NXN: variants seen among roughly 807,000 people sequenced by gnomAD.
NXN encodes nucleoredoxin 1.
NXN carries 16 observed loss-of-function variants against 48.6 expected under a neutral mutation model. The ratio of observed to expected loss-of-function variants is 0.33; its 90% confidence interval spans 0.22 to 0.50. The LOEUF is 0.50. Ranked by LOEUF, NXN falls within the 20% of genes least tolerant of loss-of-function variation. The pLI, the probability that NXN is intolerant of heterozygous loss-of-function variation, is 0.98. For missense variants in NXN, 492 were observed against 605.5 expected (o/e 0.81, Z 1.97); for synonymous variants, 281 against 269.6 (o/e 1.04, Z -0.41).
intron 1 of NXN, among the ~76,000 whole-genome samples, chr17:921,748 G>A (rs1430755707): frequency 2.1e-5 from 3 of 145,752 alleles, no homozygotes; most frequent in Non-Finnish European, 3.0e-5. Flanking sequence ...ACACCTGGCC[G>A]GCCCAGGCTC....
At chr17:802,956 G>A (rs1362499479) in intron 7 of NXN, among the ~76,000 whole-genome samples, 1 of 150,532 alleles carries the variant, frequency 6.6e-6, no homozygotes, top group African/African-American at 2.4e-5. Context: ...GGGTGGGGTG[G>A]GGAGGTGGCA....
chr17:979,287 G>C, intron 1 of NXN, 32 bp downstream of exon 1: 1 of 1,439,876 alleles, frequency 6.9e-7, no homozygotes, highest in Non-Finnish European at 9.2e-7. Context: ...CGTGGGGGGC[G>C]GGCAGGGGCC....
chr17:946,318 G>A (rs1217549394), intron 1 of NXN, among the ~76,000 whole-genome samples: 1 of 152,116 alleles, frequency 6.6e-6, no homozygotes, highest in Non-Finnish European at 1.5e-5. Flanking sequence ...ACAGGCATCT[G>A]CTATCGCACC....
intron 1 of NXN, among the ~76,000 whole-genome samples, chr17:865,055 G>A (rs908956624): frequency 1.1e-4 from 16 of 152,078 alleles, no homozygotes; most frequent in African/African-American, 3.9e-4. Context: ...AGATCATCTC[G>A]TCCACACTGA....
chr17:881,962 G>A (rs1468551254), intron 1 of NXN, among the ~76,000 whole-genome samples: 3 of 152,138 alleles, frequency 2.0e-5, no homozygotes, highest in Non-Finnish European at 4.4e-5. Flanking sequence ...TCACCAGAGA[G>A]GCTCAGCAGG....
rs185135216 is a variant in NXN, at chr17:863,165, C to T, written c.361-37087G>A. Among the ~76,000 whole-genome samples, 521 of 151,832 alleles carry T rather than the reference C, an allele frequency of 3.4e-3. 5 individuals carry two copies. The highest frequency in any genetic ancestry group is 9.5e-3 in the African/African-American group (395 of 41,480). ...ACATGGGTTTCACATCCTGCGAATA[C>T]TGTTCTGTCTTCTTTGTTTTTTTGA... On this transcript the variant is annotated intron_variant, in intron 1 of 7. Transcript: ENST00000336868.
chr17:952,038 C>A (rs2069117255), intron 1 of NXN, among the ~76,000 whole-genome samples: 2 of 152,204 alleles, frequency 1.3e-5, no homozygotes, highest in African/African-American at 2.4e-5. Flanking sequence ...ATGGCCAGCG[C>A]TGAAAGAAGG....
In NXN at chr17:902,125, T is replaced by C. The variant is rs528393785; in HGVS notation, c.361-76047A>G. 3.3e-4 allele frequency among the ~76,000 whole-genome samples: 51 copies of C among 152,284 alleles called. 1 individual carries two copies. The highest frequency in any genetic ancestry group is 9.6e-4 in the African/African-American group (40 of 41,556). Reference sequence around the variant, plus strand: ...AATACCCTCGGGTGTTTGTCCCAGCTAGTGAGTCAGGACTGAACCTGATAC... The same window carrying C: ...AATACCCTCGGGTGTTTGTCCCAGCCAGTGAGTCAGGACTGAACCTGATAC... On this transcript the variant is annotated intron_variant, in intron 1 of 7. Transcript: ENST00000336868.
chr17:876,515 G>A (rs1259885438), intron 1 of NXN, among the ~76,000 whole-genome samples: 6 of 152,108 alleles, frequency 3.9e-5, no homozygotes, highest in East Asian at 1.9e-4. Flanking sequence ...TTTCATGTAC[G>A]TCTCCCCATC....
At chr17:803,514 C>T (rs772908688) in intron 7 of NXN, among the ~76,000 whole-genome samples, 168 bp downstream of exon 7, 1 of 152,202 alleles carries the variant, frequency 6.6e-6, no homozygotes, top group South Asian at 2.1e-4. Flanking sequence ...GAATGGTTTT[C>T]CATGGCGAAT....
At chr17:887,258 C>T (rs2068358885) in intron 1 of NXN, among the ~76,000 whole-genome samples, 1 of 152,134 alleles carries the variant, frequency 6.6e-6, no homozygotes, top group Non-Finnish European at 1.5e-5. Flanking sequence ...TCCATGCTAG[C>T]TGACCGGCCA....
At chr17:895,766 C>G (rs949840501) in intron 1 of NXN, among the ~76,000 whole-genome samples, 4 of 114,834 alleles carry the variant, frequency 3.5e-5, no homozygotes, top group African/African-American at 8.3e-5. Flanking sequence ...TGCAGTGAGC[C>G]GAGATCGCAC....
At chr17:813,450 C>A (rs555385565) in intron 5 of NXN, among the ~76,000 whole-genome samples, 2 of 152,368 alleles carry the variant, frequency 1.3e-5, no homozygotes, top group East Asian at 1.9e-4. Flanking sequence ...GGACGGAATG[C>A]CGCACGTGGG....
intron 5 of NXN, among the ~76,000 whole-genome samples, chr17:818,266 T>A (rs981481202): frequency 8.5e-4 from 129 of 151,684 alleles, no homozygotes; most frequent in African/African-American, 2.9e-3. Flanking sequence ...GACTTAAAAA[T>A]ATATATATAA....
At chr17:946,419 G>A (rs1419573288) in intron 1 of NXN, among the ~76,000 whole-genome samples, 2 of 152,120 alleles carry the variant, frequency 1.3e-5, no homozygotes, top group African/African-American at 2.4e-5. Context: ...CGCCCGCCTA[G>A]GCCTCCCAAA....
intron 5 of NXN, among the ~76,000 whole-genome samples, chr17:807,423 G>C (rs1911624017): frequency 1.3e-5 from 2 of 152,230 alleles, no homozygotes; most frequent in South Asian, 4.1e-4. Context: ...CGGGGAGGGA[G>C]GAGAAGCCAA....
In NXN at chr17:814,499, C is replaced by T. The variant is rs191362115; in HGVS notation, c.820+4940G>A. On this transcript the variant is annotated intron_variant, in intron 5 of 7. Transcript: ENST00000336868. ...CCAATGGAGCAGCAGAGAGGGGGCG[C>T]GGCAGCAGCTCCACTCTAAGTGACA... Among the ~76,000 whole-genome samples, 113 of 152,250 alleles carry T rather than the reference C, an allele frequency of 7.4e-4. 2 individuals carry two copies. Among genetic ancestry groups the T allele is most frequent in the Non-Finnish European group, 2.4e-4 (16 of 68,012 alleles).
chr17:977,831 C>CT (rs1194208927), intron 1 of NXN, among the ~76,000 whole-genome samples: 2 of 152,356 alleles, frequency 1.3e-5, no homozygotes, highest in African/African-American at 4.8e-5. Context: ...TCAAAAAGTA[C>CT]TGGCCATGCA....
At chr17:813,491 C>T (rs1307657786) in intron 5 of NXN, among the ~76,000 whole-genome samples, 2 of 152,218 alleles carry the variant, frequency 1.3e-5, no homozygotes, top group African/African-American at 2.4e-5. Flanking sequence ...GCTGAGAAGG[C>T]GCTTCCAAAG....
Sources: allele counts gnomAD v4.1 joint callset (sites outside exome capture counted in the v4.1 genomes callset), GRCh38; gene constraint gnomAD v4.1.1; transcripts MANE v1.5; gene names NCBI Gene and HGNC (gene_info 2026-07-23, HGNC 2026-07-21).